The following GRM8 variants were observed in gnomAD, a reference collection of about 807,000 sequenced individuals.
GRM8 encodes the protein glutamate metabotropic receptor 8.
A neutral mutation model predicts 87.2 loss-of-function variants in GRM8; 47 were observed. The observed-to-expected ratio is 0.54, with a 90% CI of 0.43 to 0.69. The LOEUF (loss-of-function observed/expected upper bound fraction) is 0.69, where lower values mean the gene tolerates loss of function less well. GRM8 is among the 30% of genes least tolerant of loss of function. The probability of loss-of-function intolerance (pLI) is 0.00; values close to 1 mark genes in which losing one functional copy is unlikely to be tolerated. For synonymous variants in GRM8, 396 were observed against 404.5 expected (o/e 0.98, Z 0.25); for missense variants, 1,019 against 1,139.2 (o/e 0.89, Z 1.52).
intron 3 of GRM8, among the ~76,000 whole-genome samples, chr7:127,060,725 A>G (rs1820522160): frequency 1.3e-5 from 2 of 152,318 alleles, no homozygotes; most frequent in African/African-American, 4.8e-5. Flanking sequence ...TAGCAACATG[A>G]GAAATTCCTA....
intron 9 of GRM8, among the ~76,000 whole-genome samples, chr7:126,521,190 C>T (rs530532697): frequency 9.2e-5 from 14 of 152,094 alleles, no homozygotes; most frequent in East Asian, 1.9e-4. Flanking sequence ...TAAGTACATA[C>T]GTGTGTGTAA....
chr7:126,609,309 G>T (rs1031841279), intron 8 of GRM8, 53 bp downstream of exon 8: 1 of 1,375,984 alleles, frequency 7.3e-7, no homozygotes, highest in Non-Finnish European at 1.0e-6. Context: ...TAAAAATAAA[G>T]CATCCCTCCT....
chr7:127,002,807 A>G (rs1813864298), intron 3 of GRM8, among the ~76,000 whole-genome samples: 2 of 151,742 alleles, frequency 1.3e-5, no homozygotes, highest in South Asian at 2.1e-4. Context: ...TTGCACAGAT[A>G]TAAATTTATT....
chr7:126,569,694 C>T (rs971485933), intron 8 of GRM8, among the ~76,000 whole-genome samples: 3 of 152,178 alleles, frequency 2.0e-5, no homozygotes, highest in African/African-American at 7.2e-5. Flanking sequence ...TAAAGCGTGT[C>T]TTTTCCCACA....
chr7:126,558,738 C>A (rs780844925), intron 8 of GRM8, among the ~76,000 whole-genome samples: 7 of 152,064 alleles, frequency 4.6e-5, no homozygotes, highest in Non-Finnish European at 1.0e-4. Context: ...ATATTTTCAA[C>A]CTGTGGTTGA....
At chr7:126,630,138 A>G (rs987382509) in intron 7 of GRM8, among the ~76,000 whole-genome samples, 23 of 151,976 alleles carry the variant, frequency 1.5e-4, no homozygotes, top group Non-Finnish European at 3.1e-4. Context: ...CCAAATAAGA[A>G]AAAAACAATA....
chr7:126,842,301 CTT>C (rs1301714917), intron 6 of GRM8, among the ~76,000 whole-genome samples: 1 of 152,152 alleles, frequency 6.6e-6, no homozygotes, highest in Admixed American at 6.5e-5. Context: ...CCAGATGAGT[CTT>C]TATAGTTTCT....
At chr7:126,643,118 C>T (rs1408857971) in intron 7 of GRM8, among the ~76,000 whole-genome samples, 1 of 150,560 alleles carries the variant, frequency 6.6e-6, no homozygotes, top group Non-Finnish European at 1.5e-5. Context: ...TGGCAAGACC[C>T]GTCTCTACCA....
intron 9 of GRM8, among the ~76,000 whole-genome samples, chr7:126,498,093 A>G (rs1809049103): frequency 6.6e-6 from 1 of 151,952 alleles, no homozygotes; most frequent in Non-Finnish European, 1.5e-5. Flanking sequence ...CAAGTCTCCA[A>G]GGGTTAGATA....
At chr7:127,073,544 T>A (rs893526215) in intron 3 of GRM8, among the ~76,000 whole-genome samples, 1 of 152,160 alleles carries the variant, frequency 6.6e-6, no homozygotes, top group Non-Finnish European at 1.5e-5. Context: ...TACCCCCCAA[T>A]GGTGTGGGGA....
intron 2 of GRM8, among the ~76,000 whole-genome samples, chr7:127,226,125 T>C (rs548590955): frequency 1.3e-5 from 2 of 152,112 alleles, no homozygotes; most frequent in Non-Finnish European, 2.9e-5. Context: ...AAATCTACAA[T>C]AGGAAAAAAG....
intron 6 of GRM8, among the ~76,000 whole-genome samples, chr7:126,788,320 G>A (rs1820850715): frequency 7.0e-6 from 1 of 142,544 alleles, no homozygotes; most frequent in African/African-American, 2.6e-5. Context: ...TGAGACAGGA[G>A]AATTGCTTGA....
intron 10 of GRM8, among the ~76,000 whole-genome samples, chr7:126,440,081 T>G (rs1453909620): frequency 1.3e-5 from 2 of 151,992 alleles, no homozygotes; most frequent in Non-Finnish European, 2.9e-5. Flanking sequence ...AGGAAATGTT[T>G]AAAATAAATT....
At chr7:127,023,751 C>A (rs1563423561) in intron 3 of GRM8, among the ~76,000 whole-genome samples, 1 of 152,084 alleles carries the variant, frequency 6.6e-6, no homozygotes, top group African/African-American at 2.4e-5. Context: ...TTTCCAATTT[C>A]AAATCCACAG....
At chr7:126,939,528 T>C (rs1260569654) in intron 3 of GRM8, among the ~76,000 whole-genome samples, 4 of 152,186 alleles carry the variant, frequency 2.6e-5, no homozygotes, top group African/African-American at 4.8e-5. Context: ...AGAGTAAGCA[T>C]TCAGATAATG....
At chr7:127,213,338 G>C (rs542047838) in intron 2 of GRM8, among the ~76,000 whole-genome samples, 1 of 152,150 alleles carries the variant, frequency 6.6e-6, no homozygotes, top group Non-Finnish European at 1.5e-5. Flanking sequence ...GAGATGTGCT[G>C]TAAGTACAAA....
intron 6 of GRM8, among the ~76,000 whole-genome samples, chr7:126,875,235 CA>C (rs1381858631): frequency 6.7e-6 from 1 of 148,958 alleles, no homozygotes; most frequent in Non-Finnish European, 1.5e-5. Flanking sequence ...GAAGAGATAT[CA>C]AATGTCTTTA....
chr7:126,907,946 G>A (rs1207714148), intron 3 of GRM8, among the ~76,000 whole-genome samples: 2 of 152,178 alleles, frequency 1.3e-5, no homozygotes, highest in Non-Finnish European at 2.9e-5. Flanking sequence ...AAGTAGGGAA[G>A]CAATGGGAAA....
At chr7:126,621,104 A>G (rs114944591) in intron 7 of GRM8, among the ~76,000 whole-genome samples, 126 of 152,314 alleles carry the variant, frequency 8.3e-4, no homozygotes, top group Middle Eastern at 3.4e-3. Context: ...GGAAGTAGCA[A>G]TTTTCAACAG....
Sources: allele counts gnomAD v4.1 joint callset (sites outside exome capture counted in the v4.1 genomes callset), GRCh38; gene constraint gnomAD v4.1.1; transcripts MANE v1.5; gene names NCBI Gene and HGNC (gene_info 2026-07-23, HGNC 2026-07-21).